Variants in COL5A2 observed in about 807,000 individuals in gnomAD.
COL5A2 encodes the protein collagen type V alpha 2 chain.
A neutral mutation model predicts 208.2 loss-of-function variants in COL5A2; 23 were observed. That is an observed-to-expected ratio of 0.11 (90% CI 0.08 to 0.16). The LOEUF is 0.16. Ranked by LOEUF, COL5A2 falls within the 10% of genes least tolerant of loss-of-function variation. The pLI is 1.00. For synonymous variants in COL5A2, 625 were observed against 628.5 expected, an observed-to-expected ratio of 0.99 and a Z score of 0.08; for missense variants, 1,590 against 1,956.4, an observed-to-expected ratio of 0.81 and a Z score of 3.53.
chr2:189,212,289 A>G (rs1335614864), intron 1 of COL5A2, among the ~76,000 whole-genome samples: 1 of 152,168 alleles, frequency 6.6e-6, no homozygotes, highest in Non-Finnish European at 1.5e-5. Context: ...CAAATACAAT[A>G]GCAAATGAAT....
chr2:189,197,823 C>T, intron 1 of COL5A2, among the ~76,000 whole-genome samples: 1 of 149,760 alleles, frequency 6.7e-6, no homozygotes, highest in East Asian at 2.0e-4. Flanking sequence ...ATATTTTCCT[C>T]TTACGTGGCA....
At chr2:189,163,076 C>A (rs898023395) in intron 1 of COL5A2, among the ~76,000 whole-genome samples, 1 of 152,098 alleles carries the variant, frequency 6.6e-6, no homozygotes, top group African/African-American at 2.4e-5. Flanking sequence ...CAAATATGAT[C>A]TACTCCTCAG....
rs147226081 is a variant in COL5A2 at position 189,067,529 on chromosome 2, A to T, written c.1401+486T>A. On this transcript the variant is annotated intron_variant, in intron 21 of 53. Transcript: ENST00000374866. The stretch of plus-strand genomic sequence containing the variant: ...TGTTTATTTGTTATGGGTTCATCAA[A>T]ATATTTTTTCTAATAAATAATTTCT... 7.1e-3 allele frequency among the ~76,000 whole-genome samples: 1,078 copies of T among 152,290 alleles called. 12 individuals are homozygous for T. Among genetic ancestry groups the T allele is most frequent in the African/African-American group, 0.024 (995 of 41,560 alleles).
chr2:189,217,920 T>A (rs1689299155), intron 1 of COL5A2, among the ~76,000 whole-genome samples: 1 of 152,188 alleles, frequency 6.6e-6, no homozygotes, highest in African/African-American at 2.4e-5. Context: ...TCTGGCAGAT[T>A]TCCTTCAACA....
At chr2:189,182,018 C>A (rs533869474), upstream of COL5A2, among the ~76,000 whole-genome samples, 2 of 152,256 alleles carry the variant, frequency 1.3e-5, no homozygotes, top group African/African-American at 4.8e-5. Flanking sequence ...GCAATCAAGT[C>A]ATAAATAGCA....
At chr2:189,423,023 CA>C in the COL5A2 span, among the ~76,000 whole-genome samples, 88,221 of 112,684 alleles carry the variant, frequency 0.78, 34,821 homozygotes, top group Non-Finnish European at 0.9. Flanking sequence ...AACTCTGTCT[CA>C]AAAAAAAAAA....
At chr2:189,083,905 A>G (rs1686593511) in intron 12 of COL5A2, 79 bp downstream of exon 12, 7 of 1,018,170 alleles carry the variant, frequency 6.9e-6, no homozygotes, top group Non-Finnish European at 9.4e-6. Context: ...TGCCTGATAC[A>G]TGTGCATACA....
chr2:189,322,762 G>C, the COL5A2 span, among the ~76,000 whole-genome samples: 1 of 152,198 alleles, frequency 6.6e-6, no homozygotes, highest in Non-Finnish European at 1.5e-5. Flanking sequence ...GTAGGAGGTA[G>C]TACCATTCCT....
chr2:189,382,858 G>A, the COL5A2 span, among the ~76,000 whole-genome samples: 1 of 152,164 alleles, frequency 6.6e-6, no homozygotes, highest in African/African-American at 2.4e-5. Context: ...TGGGGAGAGT[G>A]TATTGTCACA....
At chr2:189,097,518 A>G (rs1339954667) in intron 5 of COL5A2, 188 bp from the exon 6 acceptor site, 2 of 699,026 alleles carry the variant, frequency 2.9e-6, no homozygotes, top group South Asian at 1.5e-5. Context: ...TGTTTATGTT[A>G]TCAGTGACAT....
At chr2:189,438,195 A>T in the COL5A2 span, among the ~76,000 whole-genome samples, 44 of 151,936 alleles carry the variant, frequency 2.9e-4, 1 homozygote, top group African/African-American at 1.1e-3. Context: ...TAAAATAAAA[A>T]AAAAAAACCT....
At chr2:189,130,499 C>G (rs972734363) in intron 1 of COL5A2, among the ~76,000 whole-genome samples, 1 of 152,020 alleles carries the variant, frequency 6.6e-6, no homozygotes, top group African/African-American at 2.4e-5. Context: ...TCCACTGAAG[C>G]AGGGTATCTA....
At chr2:189,081,176 C>A (rs1332757668) in intron 12 of COL5A2, 133 bp from the exon 13 acceptor site, 1 of 718,248 alleles carries the variant, frequency 1.4e-6, no homozygotes, top group African/African-American at 1.8e-5. Flanking sequence ...CAAAAAAAAG[C>A]AGTATACTTT....
Position 189,045,214 on chromosome 2 carries a change from C to T in COL5A2, c.3328G>A (p.Gly1110Arg). ...RGDPGSRGPI[G>R]PPGRAGKRGL... ...CGTTTCCCAGCTCGACCAGGTGGTC[C>T]TATAGGACCCCGAGAACCCTAAAAG... The change falls in exon 47 of 54, where the codon GGA becomes AGA. Residue 1110 changes from glycine to arginine, a missense_variant. By Grantham distance (125) the Gly-to-Arg change is moderately radical. Coordinates refer to ENST00000374866, the MANE Select transcript of COL5A2 (RefSeq NM_000393.5). The T allele has an allele frequency of 2.5e-6, 4 of 1,607,314 alleles. No homozygotes were observed. Among genetic ancestry groups the T allele is most frequent in the Non-Finnish European group, 3.4e-6 (4 of 1,177,252 alleles).
chr2:189,192,014 T>C (rs1350034511), intron 1 of COL5A2, among the ~76,000 whole-genome samples: 2 of 152,152 alleles, frequency 1.3e-5, no homozygotes, highest in African/African-American at 2.4e-5. Flanking sequence ...TAACCATACA[T>C]AGATTTGAAT....
intron 52 of COL5A2, 64 bp from the exon 53 acceptor site, chr2:189,035,219 T>A: frequency 6.3e-7 from 1 of 1,576,282 alleles, no homozygotes; most frequent in South Asian, 1.1e-5. Context: ...CTTACACATG[T>A]ATAGATAAAT....
chr2:189,398,093 T>G, the COL5A2 span, among the ~76,000 whole-genome samples: 749 of 152,242 alleles, frequency 4.9e-3, 4 homozygotes, highest in Non-Finnish European at 7.4e-3. Flanking sequence ...ACTTAGAAAT[T>G]TTCTAGTTGA....
the COL5A2 span, among the ~76,000 whole-genome samples, chr2:189,325,315 TAA>T: frequency 1.5e-4 from 21 of 138,928 alleles, 1 homozygote; most frequent in Non-Finnish European, 4.8e-5. Flanking sequence ...TAAAGTATAA[TAA>T]AAAAAAATAT....
chr2:189,229,126 T>C (rs1159173091), upstream of COL5A2, among the ~76,000 whole-genome samples: 2 of 151,634 alleles, frequency 1.3e-5, no homozygotes, highest in Non-Finnish European at 3.0e-5. Context: ...GGATAAAGAC[T>C]CCACGAACTA....
Sources: allele counts gnomAD v4.1 joint callset (sites outside exome capture counted in the v4.1 genomes callset), GRCh38; gene constraint gnomAD v4.1.1; transcripts MANE v1.5; gene names NCBI Gene and HGNC (gene_info 2026-07-23, HGNC 2026-07-21).